RNF144A: variants seen among roughly 807,000 people sequenced by gnomAD.
RNF144A encodes E3 ubiquitin-protein ligase RNF144A.
Under a neutral mutation model 38.7 loss-of-function variants are expected in RNF144A, and 11 were observed. The observed-to-expected ratio is 0.28, with a 90% CI of 0.18 to 0.47. RNF144A has a LOEUF of 0.47. Ranked by LOEUF, RNF144A falls within the 20% of genes least tolerant of loss-of-function variation. The probability of loss-of-function intolerance (pLI) is 0.99; values close to 1 mark genes in which losing one functional copy is unlikely to be tolerated. For missense variants in RNF144A, 316 were observed against 377.2 expected, an observed-to-expected ratio of 0.84 and a Z score of 1.34; for synonymous variants, 149 against 143.9, an observed-to-expected ratio of 1.04 and a Z score of -0.25.
downstream of RNF144A, among the ~76,000 whole-genome samples, chr2:7,070,231 G>A (rs1356729934): frequency 1.3e-5 from 2 of 152,106 alleles, no homozygotes; most frequent in South Asian, 2.1e-4. Flanking sequence ...GTACAGTGGT[G>A]CTATCACAGC....
chr2:6,970,067 T>C (rs564262914), intron 2 of RNF144A, among the ~76,000 whole-genome samples: 2 of 152,336 alleles, frequency 1.3e-5, no homozygotes, highest in Admixed American at 1.3e-4. Context: ...GCCAAATCTT[T>C]TATAAAATTA....
At chr2:6,956,392 A>C (rs1667002701) in intron 2 of RNF144A, among the ~76,000 whole-genome samples, 1 of 152,192 alleles carries the variant, frequency 6.6e-6, no homozygotes, top group Admixed American at 6.5e-5. Context: ...CCTCCAGAAG[A>C]AGCAGCTTTC....
intron 2 of RNF144A, among the ~76,000 whole-genome samples, chr2:6,982,538 A>G (rs1668700864): frequency 6.6e-6 from 1 of 152,264 alleles, no homozygotes; most frequent in South Asian, 2.1e-4. Flanking sequence ...AAACAGTTGG[A>G]TGATAAGACT....
chr2:6,934,205 C>T (rs1408984629), intron 1 of RNF144A, among the ~76,000 whole-genome samples: 1 of 152,138 alleles, frequency 6.6e-6, no homozygotes, highest in African/African-American at 2.4e-5. Flanking sequence ...TTCATCATTG[C>T]TGATCTGACA....
intron 2 of RNF144A, among the ~76,000 whole-genome samples, chr2:6,964,533 T>A (rs372941945): frequency 2.6e-5 from 4 of 152,298 alleles, no homozygotes; most frequent in Admixed American, 1.3e-4. Flanking sequence ...ATGTTTATTG[T>A]GGCACTATTC....
intron 2 of RNF144A, among the ~76,000 whole-genome samples, chr2:6,946,533 G>A (rs1383043115): frequency 6.6e-6 from 1 of 151,724 alleles, no homozygotes; most frequent in Admixed American, 6.6e-5. Flanking sequence ...ATAATTGTAT[G>A]TACATAAATA....
intron 1 of RNF144A, among the ~76,000 whole-genome samples, chr2:6,923,537 A>G (rs1664675291): frequency 6.6e-6 from 1 of 152,238 alleles, no homozygotes; most frequent in South Asian, 2.1e-4. Context: ...TCCATGTGCC[A>G]GCTTCCTAAT....
At chr2:7,047,066 A>C (rs1673334780), downstream of RNF144A, among the ~76,000 whole-genome samples, 3 of 152,216 alleles carry the variant, frequency 2.0e-5, no homozygotes, top group African/African-American at 7.2e-5. Flanking sequence ...AAAGCTTCTG[A>C]CAGTTGGACT....
At chr2:7,069,012 G>T (rs1674349949), downstream of RNF144A, among the ~76,000 whole-genome samples, 1 of 152,226 alleles carries the variant, frequency 6.6e-6, no homozygotes, top group Admixed American at 6.5e-5. Context: ...GTGTTTCACA[G>T]CTGAGGAACC....
chr2:6,969,962 A>G (rs1479669491), intron 2 of RNF144A, among the ~76,000 whole-genome samples: 1 of 151,954 alleles, frequency 6.6e-6, no homozygotes, highest in Non-Finnish European at 1.5e-5. Context: ...GGGTTTCACC[A>G]TGTTAGCCAG....
intron 1 of RNF144A, among the ~76,000 whole-genome samples, chr2:6,921,206 T>G (rs1664518380): frequency 6.6e-6 from 1 of 152,222 alleles, no homozygotes; most frequent in Non-Finnish European, 1.5e-5. Context: ...ACTCCACAAA[T>G]AACCCAAGAC....
At chr2:6,942,284 G>A (rs984337599) in intron 2 of RNF144A, among the ~76,000 whole-genome samples, 2 of 150,132 alleles carry the variant, frequency 1.3e-5, no homozygotes, top group African/African-American at 4.8e-5. Flanking sequence ...AAGGGCGGAG[G>A]ACAAGGCTAG....
chr2:7,069,506 G>C (rs1048423412), downstream of RNF144A, among the ~76,000 whole-genome samples: 3 of 151,952 alleles, frequency 2.0e-5, no homozygotes, highest in Non-Finnish European at 4.4e-5. Flanking sequence ...CTGTCTCTTT[G>C]TTGTTGTTGA....
intron 2 of RNF144A, among the ~76,000 whole-genome samples, chr2:6,988,021 T>C (rs2166967): frequency 0.48 from 72,683 of 152,058 alleles, 17,874 homozygotes; most frequent in Non-Finnish European, 0.55. Flanking sequence ...GAAAAATAAG[T>C]GAACTAATCT....
intron 6 of RNF144A, among the ~76,000 whole-genome samples, chr2:7,064,160 T>A (rs1425031659): frequency 1.3e-5 from 2 of 152,122 alleles, no homozygotes; most frequent in Admixed American, 1.3e-4. Flanking sequence ...GCACCTCTAA[T>A]TAGGCCCCAC....
intron 8 of RNF144A, among the ~76,000 whole-genome samples, chr2:7,035,188 G>A (rs973214993): frequency 5.9e-5 from 9 of 152,094 alleles, no homozygotes; most frequent in South Asian, 2.1e-4. Context: ...CCTTCTCCCT[G>A]TCAAGCTATA....
chr2:6,994,691 CT>C (rs959530579), intron 2 of RNF144A, among the ~76,000 whole-genome samples: 3 of 152,210 alleles, frequency 2.0e-5, no homozygotes, highest in African/African-American at 7.2e-5. Flanking sequence ...TTTAAACTAT[CT>C]TGAAAGTGCT....
intron 2 of RNF144A, among the ~76,000 whole-genome samples, chr2:6,950,101 A>G (rs1033764502): frequency 1.3e-5 from 2 of 152,188 alleles, no homozygotes; most frequent in Admixed American, 1.3e-4. Flanking sequence ...GAAAAACTTC[A>G]TTATGTCAGT....
At chr2:7,035,431 T>G (rs1261034456) in intron 8 of RNF144A, among the ~76,000 whole-genome samples, 2 of 152,252 alleles carry the variant, frequency 1.3e-5, no homozygotes, top group Non-Finnish European at 2.9e-5. Flanking sequence ...TGTTCTGCTC[T>G]GTTTACTAAA....
Sources: gnomAD v4.1 joint callset for allele counts (sites outside exome capture counted in the v4.1 genomes callset) on GRCh38, gnomAD v4.1.1 for gene constraint, MANE v1.5 for transcripts, NCBI Gene and HGNC (gene_info 2026-07-23, HGNC 2026-07-21) for gene names.